Variants in SYMPK observed in about 807,000 individuals in gnomAD.
SYMPK encodes the protein symplekin.
Under a neutral mutation model 136.4 loss-of-function variants are expected in SYMPK, and 49 were observed. That is an observed-to-expected ratio of 0.36 (90% CI 0.29 to 0.46). SYMPK has a LOEUF of 0.46. Ranked by LOEUF, SYMPK falls within the 20% of genes least tolerant of loss-of-function variation. The pLI is 1.00. For missense variants in SYMPK, 1,365 were observed against 1,690.0 expected (o/e 0.81, Z 3.37); for synonymous variants, 766 against 713.0 (o/e 1.07, Z -1.19).
chr19:45,823,517 G>T (rs763035755), intron 19 of SYMPK, 45 bp from the exon 20 acceptor site: 90 of 1,581,496 alleles, frequency 5.7e-5, no homozygotes, highest in Non-Finnish European at 7.2e-5. Flanking sequence ...GCGGAGGGGA[G>T]CGTGGGAAAG....
At chr19:45,824,032 A>G (rs1970975831) in intron 18 of SYMPK, 157 bp from the exon 19 acceptor site, 3 of 492,032 alleles carry the variant, frequency 6.1e-6, no homozygotes, top group South Asian at 3.9e-5. Flanking sequence ...AGGGCAGGAG[A>G]GTCAGAAGAA....
intron 5 of SYMPK, among the ~76,000 whole-genome samples, chr19:45,852,049 C>T (rs1971707641): frequency 6.6e-6 from 1 of 152,224 alleles, no homozygotes; most frequent in African/African-American, 2.4e-5. Flanking sequence ...GACAAACGGT[C>T]AGATGCTACA....
rs565398248 is a variant in SYMPK at position 45,823,161 on chromosome 19, G to A, written c.2700+211C>T. Among the ~76,000 whole-genome samples, 4 of 152,332 alleles carry A rather than the reference G, an allele frequency of 2.6e-5. No homozygotes were observed. In the South Asian group the frequency reaches 6.2e-4, roughly 24 times the overall value. ...GGAAGCAGCAGAGCCATTGGCACCC[G>A]GGTGCCCATGCAAATGAGGCCAGGA... On this transcript the variant is annotated intron_variant, in intron 20 of 26. Transcript: ENST00000245934.
At chr19:45,857,032 C>T (rs1307396744) in intron 1 of SYMPK, among the ~76,000 whole-genome samples, 2 of 151,028 alleles carry the variant, frequency 1.3e-5, no homozygotes, top group Non-Finnish European at 3.0e-5. Flanking sequence ...GTGGGAGAAT[C>T]ACTTGAACCT....
At chr19:45,835,051 C>T in intron 11 of SYMPK, 27 bp downstream of exon 11, 1 of 1,497,580 alleles carries the variant, frequency 6.7e-7, no homozygotes, top group African/African-American at 1.4e-5. Flanking sequence ...CAATCCCTGG[C>T]CCAGGTTAGG....
Position 45,863,104 on chromosome 19 carries a change from T to G in SYMPK, c.-59A>C. ...CCTCGCGCCCCCTCAGCAGTGCCTCTTCCTACACTCCGCCGCCGCCGCCGC... is the reference window on the plus strand; with the variant it reads ...CCTCGCGCCCCCTCAGCAGTGCCTCGTCCTACACTCCGCCGCCGCCGCCGC... On this transcript the variant is annotated 5_prime_UTR_variant, in exon 1 of 27. Transcript: ENST00000245934. 1 of 403,966 alleles carries G rather than the reference T, an allele frequency of 2.5e-6. No individual in the cohort carries two copies. Among genetic ancestry groups the G allele is most frequent in the Non-Finnish European group, 4.4e-6 (1 of 228,928 alleles). 25.0% of individuals were successfully genotyped at this position (403,966 alleles called of 1,614,324 possible).
At chr19:45,833,525 C>A (rs911944490) in intron 11 of SYMPK, among the ~76,000 whole-genome samples, 1 of 151,822 alleles carries the variant, frequency 6.6e-6, no homozygotes, top group African/African-American at 2.4e-5. Context: ...TGGCGTGAAC[C>A]CAGGAGGTGG....
Position 45,824,701 on chromosome 19 carries a change from G to C in SYMPK, c.2490+470C>G, listed in dbSNP as rs553024782. On this transcript the variant is annotated intron_variant, in intron 18 of 26. Transcript: ENST00000245934. ...TAATCTCAGGTGCTAGTCTGTCACTGAGCTGCTTCTCATGTGGGCAGACCT... is the reference window on the plus strand; with the variant it reads ...TAATCTCAGGTGCTAGTCTGTCACTCAGCTGCTTCTCATGTGGGCAGACCT... Among the ~76,000 whole-genome samples the C allele has an allele frequency of 2.1e-4, 32 of 152,290 alleles. No homozygotes were observed. In the South Asian group the frequency reaches 6.6e-3, roughly 32 times the overall value.
rs571245746 is a variant in SYMPK, at chr19:45,815,836, G to A, written c.3687+15C>T. 4 of 1,610,284 alleles carry A rather than the reference G, an allele frequency of 2.5e-6. No individual in the cohort carries two copies. The highest frequency in any genetic ancestry group is 4.5e-5 in the East Asian group (2 of 44,788). On this transcript the variant is annotated intron_variant, in intron 26 of 26. Coordinates refer to ENST00000245934, the MANE Select transcript of SYMPK (RefSeq NM_004819.3). ...ATCCGGCTTCTTCCTTCGCAGCGGA[G>A]GCTGCTCTCCCTACCTTGGGTAGGG...
chr19:45,839,476 A>G (rs1345800880), intron 9 of SYMPK, among the ~76,000 whole-genome samples: 1 of 152,198 alleles, frequency 6.6e-6, no homozygotes, highest in Non-Finnish European at 1.5e-5. Flanking sequence ...ATGTCAACTG[A>G]TAAATGTAGA....
intron 1 of SYMPK, among the ~76,000 whole-genome samples, chr19:45,857,798 CTTTTTTTTT>C (rs545837447): frequency 4.6e-5 from 6 of 131,602 alleles, no homozygotes; most frequent in African/African-American, 1.1e-4. Flanking sequence ...GCCGAAAATA[CTTTTTTTTT>C]TTTTTTTTTA....
chr19:45,827,368 A>G, intron 16 of SYMPK, 142 bp downstream of exon 16: 1 of 644,488 alleles, frequency 1.6e-6, no homozygotes, highest in Non-Finnish European at 2.8e-6. Context: ...AGACAGAAAT[A>G]GCCAAAAAAC....
At position 45,847,933 on chromosome 19, in the gene SYMPK, C is replaced by A. The variant is rs759624708; in HGVS notation, c.495G>T (p.Ala165=). ...EACWDMVSAM[A]GDIILLLDSD... is the part of the protein sequence containing the mutation. ...AGTCCAATAGCAGGATGATGTCCCC[C>A]GCCATGGCAGATACCATGTCCCAGC... is the stretch of plus-strand genomic sequence containing the variant. Residue 165 remains alanine, a synonymous_variant, in exon 7 of 27, where the codon GCG becomes GCT. Transcript: ENST00000245934. 2.5e-6 allele frequency: 4 copies of A among 1,612,066 alleles called. No homozygotes were observed. Among genetic ancestry groups the A allele is most frequent in the South Asian group, 1.1e-5 (1 of 90,752 alleles).
intron 5 of SYMPK, among the ~76,000 whole-genome samples, chr19:45,851,640 A>G (rs1026729065): frequency 9.9e-5 from 15 of 151,848 alleles, no homozygotes; most frequent in African/African-American, 2.7e-4. Context: ...TTGGGAGGCC[A>G]AGGCGGGCAG....
rs1971016175 is a variant in SYMPK, at chr19:45,825,337, A to G, written c.2330-6T>C. The G allele has an allele frequency of 6.2e-7, 1 of 1,612,868 alleles. No individual in the cohort carries two copies. The highest frequency in any genetic ancestry group is 8.5e-7 in the Non-Finnish European group (1 of 1,179,360). Reference sequence around the variant, plus strand: ...CGTCCAGGGTGCTGCCACCTCTGACAGGGCAGGAGCGGGCATCAGATTGGC... The same window carrying G: ...CGTCCAGGGTGCTGCCACCTCTGACGGGGCAGGAGCGGGCATCAGATTGGC... On this transcript the variant is annotated splice_region_variant and splice_polypyrimidine_tract_variant and intron_variant, in intron 17 of 26. Coordinates refer to ENST00000245934, the MANE Select transcript of SYMPK (RefSeq NM_004819.3).
At chr19:45,831,710 A>G (rs1971179459) in intron 11 of SYMPK, 122 bp from the exon 12 acceptor site, 3 of 695,876 alleles carry the variant, frequency 4.3e-6, no homozygotes, top group Non-Finnish European at 6.8e-6. Context: ...TTAAATCCAC[A>G]CAACACTGTC....
chr19:45,848,325 A>G (rs1971615944), intron 6 of SYMPK, among the ~76,000 whole-genome samples: 1 of 152,220 alleles, frequency 6.6e-6, no homozygotes, highest in South Asian at 2.1e-4. Context: ...CATTCGTTTT[A>G]TTAATGCTAA....
chr19:45,854,633 G>C, intron 1 of SYMPK, 126 bp from the exon 2 acceptor site: 1 of 713,778 alleles, frequency 1.4e-6, no homozygotes, highest in East Asian at 2.7e-5. Flanking sequence ...CCCCAGTCAG[G>C]CCTTCTCAAG....
chr19:45,823,710 C>CGGGGAAGGCTAAGGAGAGGG, intron 19 of SYMPK, 57 bp downstream of exon 19: 1 of 1,485,178 alleles, frequency 6.7e-7, no homozygotes, highest in Non-Finnish European at 9.4e-7. Flanking sequence ...CCCCAGGGCC[C>CGGGGAAGGCTAAGGAGAGGG]GGGGAAGGCT....
Sources: gnomAD v4.1 joint callset for allele counts (sites outside exome capture counted in the v4.1 genomes callset) on GRCh38, gnomAD v4.1.1 for gene constraint, MANE v1.5 for transcripts, NCBI Gene and HGNC (gene_info 2026-07-23, HGNC 2026-07-21) for gene names.